The following TMEM72 variants were observed in gnomAD, a reference collection of about 807,000 sequenced individuals.
TMEM72 encodes transmembrane protein 72.
A neutral mutation model predicts 16.3 loss-of-function variants in TMEM72; 9 were observed. The ratio of observed to expected loss-of-function variants is 0.55; its 90% CI spans 0.33 to 0.96. The LOEUF (loss-of-function observed/expected upper bound fraction) is 0.96. Among genes scored for constraint, TMEM72 ranks in the 40% least tolerant of loss-of-function variants. The pLI, the probability that TMEM72 is intolerant of heterozygous loss-of-function variation, is 0.03. For synonymous variants in TMEM72, 160 were observed against 146.5 expected (o/e 1.09, Z -0.66); for missense variants, 324 against 337.8 (o/e 0.96, Z 0.32).
chr10:44,923,733 C>T (rs954730645), intron 1 of TMEM72, among the ~76,000 whole-genome samples: 1 of 152,222 alleles, frequency 6.6e-6, no homozygotes, highest in African/African-American at 2.4e-5. Flanking sequence ...ACCTCTGCCC[C>T]CCTACTGCCC....
In TMEM72 at chr10:44,935,340, C is replaced by T. The variant is rs568566785; in HGVS notation, c.*206C>T. 9 of 513,280 alleles carry T rather than the reference C, an allele frequency of 1.8e-5. No individual in the cohort carries two copies. In the East Asian group the frequency reaches 1.9e-4, roughly 11 times the overall value. 31.8% of individuals were successfully genotyped at this position (513,280 alleles called of 1,614,324 possible). ...GGAGGCACAAACAAGGCTCACGCCA[C>T]CTCAAGCCAGCACAAGCTCCTTCCT... On this transcript the variant is annotated 3_prime_UTR_variant, in exon 5 of 5. Transcript: ENST00000389583.
rs56344247 is a variant in TMEM72, at chr10:44,928,256, G to A, written c.137+269G>A. 6.5e-3 allele frequency among the ~76,000 whole-genome samples: 924 copies of A among 142,148 alleles called. 4 individuals are homozygous for A. Among genetic ancestry groups the A allele is most frequent in the Non-Finnish European group, 0.012 (750 of 64,820 alleles). The allele number at this position is 142,148 out of a possible 152,430, so 93.3% of individuals were successfully genotyped here. A position where few individuals can be genotyped will look rare whatever the true frequency, so the allele number is the denominator to read the frequency against. On this transcript the variant is annotated intron_variant, in intron 2 of 4. Transcript: ENST00000389583. Reference sequence around the variant, plus strand: ...TATCCATCCATCTGCCCATCCATTCGTCAGCCCACCCATCCATCCACTCAC... The same window carrying A: ...TATCCATCCATCTGCCCATCCATTCATCAGCCCACCCATCCATCCACTCAC...
At chr10:44,914,217 G>A (rs911637550) in intron 1 of TMEM72, among the ~76,000 whole-genome samples, 1 of 152,220 alleles carries the variant, frequency 6.6e-6, no homozygotes, top group Non-Finnish European at 1.5e-5. Context: ...CATATCATGA[G>A]GGGTTGTAGA....
chr10:44,935,052 CCACCTCTGACACGA>C lies in TMEM72; in HGVS notation c.751_764del (p.Ser251HisfsTer32). On this transcript the variant is annotated frameshift_variant, in exon 5 of 5. Coordinates refer to ENST00000389583, the MANE Select transcript of TMEM72 (RefSeq NM_001123376.3). LOFTEE classifies it low-confidence loss of function (END_TRUNC). ...GATGGGGACAGTGAGCCAGAGGAGA[CCACCTCTGACACGA>C]CACCCATCATTCCCCCTCCCCAGGC... is the stretch of plus-strand genomic sequence containing the variant. 6.2e-7 allele frequency: 1 copy of C among 1,613,990 alleles called. No individual in the cohort carries two copies. The highest frequency in any genetic ancestry group is 8.5e-7 in the Non-Finnish European group (1 of 1,179,992).
Position 44,936,026 on chromosome 10 carries a change from G to A in TMEM72, c.*892G>A, listed in dbSNP as rs889173328. 3 of 152,260 alleles carry A rather than the reference G, an allele frequency of 2.0e-5. No homozygotes were observed. Among genetic ancestry groups the A allele is most frequent in the Admixed American group, 6.5e-5 (1 of 15,284 alleles). The allele number at this position is 152,260 out of a possible 1,614,324, so 9.4% of individuals were successfully genotyped here. On this transcript the variant is annotated 3_prime_UTR_variant, in exon 5 of 5. Coordinates refer to ENST00000389583, the MANE Select transcript of TMEM72 (RefSeq NM_001123376.3). ...AATATAAATGTCTTCAAAATGAAAG[G>A]AAGTGAGGGGGGAAGAAGAGGAGGG...
rs1307660777 is a variant in TMEM72 at position 44,925,964 on chromosome 10, CAT to C, written c.71-1952_71-1951del. Reference sequence around the variant, plus strand: ...ACACACTTACACACACACTCACACACATATATGCACATATATACTCACACTCA... The same window carrying C: ...ACACACTTACACACACACTCACACACATATGCACATATATACTCACACTCA... On this transcript the variant is annotated intron_variant, in intron 1 of 4. Coordinates refer to ENST00000389583, the MANE Select transcript of TMEM72 (RefSeq NM_001123376.3). Among the ~76,000 whole-genome samples the C allele has an allele frequency of 3.6e-4, 55 of 151,934 alleles. 1 individual carries two copies. Among genetic ancestry groups the C allele is most frequent in the Middle Eastern group, 3.4e-3 (1 of 294 alleles).
intron 3 of TMEM72, among the ~76,000 whole-genome samples, chr10:44,933,406 G>A (rs1248852597): frequency 2.0e-5 from 3 of 152,282 alleles, no homozygotes; most frequent in African/African-American, 4.8e-5. Context: ...CTTCCCCTTC[G>A]ACCAGAAAAA....
At chr10:44,914,894 C>T (rs540797521) in intron 1 of TMEM72, among the ~76,000 whole-genome samples, 1 of 152,332 alleles carries the variant, frequency 6.6e-6, no homozygotes, top group Non-Finnish European at 1.5e-5. Flanking sequence ...ACCCTTTAAC[C>T]TCAGGGGAAT....
intron 1 of TMEM72, among the ~76,000 whole-genome samples, chr10:44,924,798 G>A (rs1270571135): frequency 1.3e-5 from 2 of 152,214 alleles, no homozygotes; most frequent in African/African-American, 2.4e-5. Flanking sequence ...CCATACTCCT[G>A]GCTCCCCACA....
intron 1 of TMEM72, among the ~76,000 whole-genome samples, chr10:44,922,288 A>G (rs1840113035): frequency 6.6e-6 from 1 of 152,170 alleles, no homozygotes; most frequent in Non-Finnish European, 1.5e-5. Flanking sequence ...AGCAGACTGG[A>G]GAGGAGCTCC....
chr10:44,920,133 A>G (rs1840072681), intron 1 of TMEM72: 1 of 152,186 alleles, frequency 6.6e-6, no homozygotes, highest in African/African-American at 2.4e-5. Context: ...AGCAATAAAT[A>G]TACGCGGTGG....
At position 44,927,932 on chromosome 10, in the gene TMEM72, G is replaced by C; in HGVS notation, c.82G>C (p.Val28Leu). The change falls in exon 2 of 5, where the codon GTG becomes CTG. Residue 28 changes from valine (V) to leucine (L), a missense_variant. Physicochemically the swap from Val to Leu is conservative, Grantham distance 32. Transcript: ENST00000389583. ...GITTAAVLIGVGTETFLQGQF... is the reference protein window; with the variant it reads ...GITTAAVLIGLGTETFLQGQF... The stretch of plus-strand genomic sequence containing the variant: ...CTCTTGCCCCTTAGTGTTGATCGGC[G>C]TGGGCACTGAGACCTTCCTCCAGGG... 1 of 1,613,870 alleles carries C rather than the reference G, an allele frequency of 6.2e-7. No individual in the cohort carries two copies. Among genetic ancestry groups the C allele is most frequent in the Non-Finnish European group, 8.5e-7 (1 of 1,179,960 alleles).
At chr10:44,921,745 C>T (rs1026502305) in intron 1 of TMEM72, among the ~76,000 whole-genome samples, 8 of 152,204 alleles carry the variant, frequency 5.3e-5, no homozygotes, top group Admixed American at 2.0e-4. Context: ...AAGGCCAGAG[C>T]GCAGGCTAAA....
rs775171119 is a variant in TMEM72 at position 44,932,058 on chromosome 10, C to T, written c.198C>T (p.Ala66=). The T allele has an allele frequency of 1.2e-6, 2 of 1,612,956 alleles. No homozygotes were observed. The highest frequency in any genetic ancestry group is 1.1e-5 in the South Asian group (1 of 90,692). The change falls in exon 3 of 5, where the codon GCC becomes GCT. Residue 66 remains alanine, a synonymous_variant. Transcript: ENST00000389583. ...CCTACTTTGTGGCTCAGCTGCTGGC[C>T]ATCTGCTTCCAGTAAGTAGTTTCCA... The part of the protein sequence containing the change: ...EGAYFVAQLL[A]ICFQCQPGSL...
intron 1 of TMEM72, among the ~76,000 whole-genome samples, chr10:44,926,932 C>T (rs538654285): frequency 6.6e-6 from 1 of 152,232 alleles, no homozygotes; most frequent in Non-Finnish European, 1.5e-5. Flanking sequence ...GAAGCCCACA[C>T]AATGTCTCTG....
intron 2 of TMEM72, among the ~76,000 whole-genome samples, chr10:44,928,747 CATCT>C (rs1307574684): frequency 6.9e-5 from 8 of 116,188 alleles, no homozygotes; most frequent in South Asian, 2.9e-4. Flanking sequence ...TACACCCACC[CATCT>C]ATCTATCTAC....
chr10:44,933,876 G>A (rs1351302889), intron 4 of TMEM72, 100 bp downstream of exon 4: 1 of 1,417,528 alleles, frequency 7.1e-7, no homozygotes, highest in Admixed American at 2.6e-5. Flanking sequence ...TGGCTCCAGG[G>A]ACCTTACCTG....
chr10:44,934,726 C>A lies in TMEM72; in HGVS notation c.420C>A (p.Pro140=). The change falls in exon 5 of 5, where the codon CCC becomes CCA. Residue 140 remains proline (P), a synonymous_variant. Transcript: ENST00000389583. ...AGCGGAAGAAGAGGAAAGCTGCCCC[C>A]GAGGTGCTGGCCTCCCCAGAGCAGT... ...LSKRKKRKAA[P]EVLASPEQYT... 6.2e-7 allele frequency: 1 copy of A among 1,611,856 alleles called. No individual in the cohort carries two copies.
intron 1 of TMEM72, among the ~76,000 whole-genome samples, chr10:44,918,364 G>A (rs1386426735): frequency 6.6e-6 from 1 of 152,078 alleles, no homozygotes; most frequent in Admixed American, 6.5e-5. Context: ...ACCAAAGAGT[G>A]GGGTATCAGC....
Sources: gnomAD v4.1 joint callset for allele counts (sites outside exome capture counted in the v4.1 genomes callset) on GRCh38, gnomAD v4.1.1 for gene constraint, MANE v1.5 for transcripts, NCBI Gene and HGNC (gene_info 2026-07-23, HGNC 2026-07-21) for gene names.